Variants in USH2A observed in about 807,000 individuals in gnomAD.
The protein encoded by USH2A is usherin.
USH2A carries 443 observed loss-of-function variants against 538.9 expected under a neutral mutation model. The ratio of observed to expected loss-of-function variants is 0.82; its 90% CI spans 0.76 to 0.89. The LOEUF is 0.89. USH2A is among the 40% of genes least tolerant of loss of function. The probability of loss-of-function intolerance (pLI) is 0.00; values close to 1 mark genes in which losing one functional copy is unlikely to be tolerated. For synonymous variants in USH2A, 2,413 were observed against 2,273.5 expected (o/e 1.06, Z -1.75); for missense variants, 6,633 against 6,324.8 (o/e 1.05, Z -1.65).
rs185729069 is a variant in USH2A, at chr1:215,887,090, C to T, written c.8223+1336G>A. Among the ~76,000 whole-genome samples the T allele has an allele frequency of 3.1e-3, 471 of 152,270 alleles. 4 individuals are homozygous for T. The highest frequency in any genetic ancestry group is 7.6e-3 in the Admixed American group (117 of 15,304). The stretch of plus-strand genomic sequence containing the variant: ...GCCAGGATGGTCTCGATCTCCTGAC[C>T]TCATGATCTGCCTGCCTCGGCCTCC... On this transcript the variant is annotated intron_variant, in intron 41 of 71. Coordinates refer to ENST00000307340, the MANE Select transcript of USH2A (RefSeq NM_206933.4).
chr1:216,344,110 TA>T (rs2038129400), intron 4 of USH2A, among the ~76,000 whole-genome samples: 1 of 152,096 alleles, frequency 6.6e-6, no homozygotes, highest in African/African-American at 2.4e-5. Context: ...ATTACAGATT[TA>T]AAACTATGAA....
At chr1:216,074,105 G>C (rs2031664659) in intron 27 of USH2A, among the ~76,000 whole-genome samples, 1 of 152,228 alleles carries the variant, frequency 6.6e-6, no homozygotes, top group Admixed American at 6.5e-5. Flanking sequence ...AAGTTTAACA[G>C]AGAATGCGGA....
chr1:215,658,783 A>T (rs1657349312), intron 64 of USH2A, among the ~76,000 whole-genome samples: 1 of 152,236 alleles, frequency 6.6e-6, no homozygotes, highest in Non-Finnish European at 1.5e-5. Flanking sequence ...CATATATTTC[A>T]TCCTGTTCAA....
intron 30 of USH2A, among the ~76,000 whole-genome samples, chr1:216,056,703 C>G (rs1365790147): frequency 1.3e-5 from 2 of 152,020 alleles, no homozygotes; most frequent in African/African-American, 4.8e-5. Context: ...AAGTCTTGTC[C>G]TCCAAAATGA....
intron 35 of USH2A, among the ~76,000 whole-genome samples, chr1:215,980,335 G>T (rs1019790710): frequency 2.0e-5 from 3 of 152,114 alleles, no homozygotes; most frequent in Non-Finnish European, 2.9e-5. Context: ...GCTAGGAAGT[G>T]GTAGAGCTAT....
chr1:215,867,893 A>G (rs554111096), intron 43 of USH2A, among the ~76,000 whole-genome samples: 1 of 151,562 alleles, frequency 6.6e-6, no homozygotes, highest in Admixed American at 6.6e-5. Flanking sequence ...TAAAGCCACC[A>G]TTTTTTTTTA....
intron 3 of USH2A, among the ~76,000 whole-genome samples, chr1:216,413,610 C>T (rs969970972): frequency 6.6e-6 from 1 of 151,942 alleles, no homozygotes; most frequent in Non-Finnish European, 1.5e-5. Flanking sequence ...ATATTGATTC[C>T]TAAAACTTTA....
In USH2A at chr1:216,199,709, G is replaced by T; in HGVS notation, c.3729C>A (p.Pro1243=). The T allele has an allele frequency of 6.2e-7, 1 of 1,614,080 alleles. No individual in the cohort carries two copies. The highest frequency in any genetic ancestry group is 8.5e-7 in the Non-Finnish European group (1 of 1,179,990). The change falls in exon 17 of 72, where the codon CCC becomes CCA. Residue 1243 remains proline (P), a synonymous_variant. Coordinates refer to ENST00000307340, the MANE Select transcript of USH2A (RefSeq NM_206933.4). ...GCATCTTAGGTGGACTTAGTCTTTG[G>T]GGAGGGGCCTGGGCTGTGGTCACTG... ...PITVTTAQAP[P]QRLSPPKMQK...
chr1:215,871,922 T>C (rs1230877972), intron 43 of USH2A, among the ~76,000 whole-genome samples: 1 of 152,200 alleles, frequency 6.6e-6, no homozygotes, highest in African/African-American at 2.4e-5. Flanking sequence ...GACTGATATA[T>C]TGTGGGAAAC....
At chr1:216,335,342 T>G (rs759350338) in intron 4 of USH2A, among the ~76,000 whole-genome samples, 16 of 151,636 alleles carry the variant, frequency 1.1e-4, no homozygotes, top group Non-Finnish European at 1.8e-4. Flanking sequence ...AAGAGAAATT[T>G]ATTAAATCAA....
At chr1:215,978,073 G>A (rs1667664775) in intron 35 of USH2A, among the ~76,000 whole-genome samples, 1 of 152,168 alleles carries the variant, frequency 6.6e-6, no homozygotes, top group Admixed American at 6.5e-5. Context: ...GCTGCAGTGG[G>A]CCATGATTGC....
rs144783873 is a variant in USH2A, at chr1:216,384,388, T to C, written c.652-19303A>G. Among the ~76,000 whole-genome samples, 1,062 of 152,010 alleles carry C rather than the reference T, an allele frequency of 7.0e-3. 14 individuals are homozygous for C. Among genetic ancestry groups the C allele is most frequent in the African/African-American group, 0.024 (1,002 of 41,462 alleles). The stretch of plus-strand genomic sequence containing the variant: ...GATAAGTACGAGGTAGGGGAAGAAA[T>C]GCTAAATGAAATAAGAATACACTCA... On this transcript the variant is annotated intron_variant, in intron 3 of 71. Coordinates refer to ENST00000307340, the MANE Select transcript of USH2A (RefSeq NM_206933.4).
rs943267109 is a variant in USH2A, at chr1:216,104,914, T to C, written c.4628-7701A>G. 2.6e-5 allele frequency among the ~76,000 whole-genome samples: 4 copies of C among 152,114 alleles called. No individual in the cohort carries two copies. In the East Asian group the frequency reaches 7.7e-4, roughly 29 times the overall value. On this transcript the variant is annotated intron_variant, in intron 21 of 71. Coordinates refer to ENST00000307340, the MANE Select transcript of USH2A (RefSeq NM_206933.4). Reference sequence around the variant, plus strand: ...ACAGAATGGGAGAAATTTTTTGCAATCTACTCATCTGACAAAGGGCTAATA... The same window carrying C: ...ACAGAATGGGAGAAATTTTTTGCAACCTACTCATCTGACAAAGGGCTAATA...
chr1:216,333,839 C>T (rs554644532), intron 4 of USH2A, among the ~76,000 whole-genome samples: 28 of 152,068 alleles, frequency 1.8e-4, no homozygotes, highest in African/African-American at 6.3e-4. Flanking sequence ...AAACTGTACA[C>T]CAAAAACTAT....
At chr1:216,067,147 A>C (rs1307821200) in intron 30 of USH2A, among the ~76,000 whole-genome samples, 1 of 152,208 alleles carries the variant, frequency 6.6e-6, no homozygotes, top group Non-Finnish European at 1.5e-5. Context: ...CATTCTCAGC[A>C]AACTAACACA....
chr1:215,650,688 G>A lies in USH2A; in HGVS notation c.14247C>T (p.Thr4749=). The A allele has an allele frequency of 6.2e-7, 1 of 1,613,988 alleles. No homozygotes were observed. Among genetic ancestry groups the A allele is most frequent in the Non-Finnish European group, 8.5e-7 (1 of 1,179,992 alleles). ...RAPTFHVISS[T]QAVVNISAPG... is the part of the protein sequence containing the mutation. ...GGGCACTGATGTTGACCACTGCTTGGGTAGAAGAGATCACATGGAACGTGG... is the reference window on the plus strand; with the variant it reads ...GGGCACTGATGTTGACCACTGCTTGAGTAGAAGAGATCACATGGAACGTGG... The change falls in exon 65 of 72, where the codon ACC becomes ACT. Residue 4749 remains threonine, a synonymous_variant. Transcript: ENST00000307340.
At chr1:216,066,067 AT>A (rs1284762604) in intron 30 of USH2A, among the ~76,000 whole-genome samples, 2 of 152,264 alleles carry the variant, frequency 1.3e-5, no homozygotes, top group South Asian at 4.1e-4. Flanking sequence ...TAAATTTGCA[AT>A]TTTTTTCAAG....
At chr1:215,634,420 C>A in intron 70 of USH2A, 39 bp downstream of exon 70, 1 of 1,613,924 alleles carries the variant, frequency 6.2e-7, no homozygotes, top group South Asian at 1.1e-5. Context: ...TATTCTAGTC[C>A]AGTGATAGGG....
chr1:215,968,223 G>C (rs992985782), intron 36 of USH2A, among the ~76,000 whole-genome samples: 3 of 151,912 alleles, frequency 2.0e-5, no homozygotes, highest in Non-Finnish European at 4.4e-5. Flanking sequence ...TAAAAATTAG[G>C]TTCAAAGGCT....
Sources: allele counts gnomAD v4.1 joint callset (sites outside exome capture counted in the v4.1 genomes callset), GRCh38; gene constraint gnomAD v4.1.1; transcripts MANE v1.5; gene names NCBI Gene and HGNC (gene_info 2026-07-23, HGNC 2026-07-21).